Variants in METTL9 observed in about 807,000 individuals in gnomAD.
METTL9 encodes the protein protein-L-histidine N-pros-methyltransferase.
In METTL9, 10 loss-of-function variants were observed where a neutral mutation model predicts 36.0. The observed-to-expected ratio is 0.28, with a 90% CI of 0.17 to 0.47. The LOEUF (loss-of-function observed/expected upper bound fraction) is 0.47, where lower values mean the gene tolerates loss of function less well. Among genes scored for constraint, METTL9 ranks in the 20% least tolerant of loss-of-function variants. The pLI, the probability that METTL9 is intolerant of heterozygous loss-of-function variation, is 0.99. For synonymous variants in METTL9, 175 were observed against 149.7 expected, an observed-to-expected ratio of 1.17 and a Z score of -1.23; for missense variants, 246 against 383.5, an observed-to-expected ratio of 0.64 and a Z score of 3.00.
At chr16:21,632,307 C>G (rs1212770791) in intron 4 of METTL9, among the ~76,000 whole-genome samples, 1 of 152,194 alleles carries the variant, frequency 6.6e-6, no homozygotes, top group Non-Finnish European at 1.5e-5. Flanking sequence ...TTCTAAGGCT[C>G]AGGTAAGTGC....
At chr16:21,642,264 CTT>C (rs1040158292) in intron 4 of METTL9, 4 of 152,048 alleles carry the variant, frequency 2.6e-5, no homozygotes, top group Admixed American at 2.0e-4. Flanking sequence ...AGGAAAATAT[CTT>C]TACTAGTTTA....
intron 4 of METTL9, among the ~76,000 whole-genome samples, chr16:21,632,810 A>T (rs372905091): frequency 6.6e-6 from 1 of 152,064 alleles, no homozygotes; most frequent in East Asian, 1.9e-4. Context: ...TACTACATCA[A>T]TTTCCTTACT....
chr16:21,602,918 C>G (rs1965175329), intron 1 of METTL9, among the ~76,000 whole-genome samples: 1 of 152,074 alleles, frequency 6.6e-6, no homozygotes, highest in Admixed American at 6.6e-5. Context: ...CTGGGCCTCC[C>G]AAAGTGCTGG....
At chr16:21,599,097 G>A (rs1358648129), upstream of METTL9, among the ~76,000 whole-genome samples, 2 of 152,138 alleles carry the variant, frequency 1.3e-5, no homozygotes, top group African/African-American at 4.8e-5. This position sits in a 1 kb window ranked among gnomAD's most constrained non-coding sequence, Gnocchi z 4.4. Flanking sequence ...ACCTGTGTGT[G>A]TCAGGATGCA....
chr16:21,613,824 GT>G (rs1212513628), intron 2 of METTL9, among the ~76,000 whole-genome samples: 30 of 86,864 alleles, frequency 3.5e-4, no homozygotes, highest in African/African-American at 2.0e-3. Context: ...AGCTTTAGGA[GT>G]TTTTTTTGTT....
intron 4 of METTL9, among the ~76,000 whole-genome samples, chr16:21,645,533 A>G (rs559125713): frequency 6.6e-6 from 1 of 152,338 alleles, no homozygotes; most frequent in African/African-American, 2.4e-5. Flanking sequence ...TTTATTTGTG[A>G]AACTAACAAA....
chr16:21,618,574 G>C (rs1965612212), intron 3 of METTL9, among the ~76,000 whole-genome samples: 1 of 152,002 alleles, frequency 6.6e-6, no homozygotes, highest in Admixed American at 6.5e-5. Context: ...ATTCTACTTT[G>C]TCTATGAATT....
At chr16:21,621,174 GTT>G (rs1965684350) in intron 3 of METTL9, among the ~76,000 whole-genome samples, 1 of 151,608 alleles carries the variant, frequency 6.6e-6, no homozygotes, top group East Asian at 1.9e-4. Flanking sequence ...GTGTGTGTGT[GTT>G]TTTGTGTGTT....
Position 21,656,230 on chromosome 16 carries a change from T to C in METTL9, c.*798T>C, listed in dbSNP as rs1451030866. 1.6e-5 allele frequency: 2 copies of C among 127,378 alleles called. No individual in the cohort carries two copies. Among genetic ancestry groups the C allele is most frequent in the East Asian group, 4.7e-4 (2 of 4,242 alleles). 7.9% of individuals were successfully genotyped at this position (127,378 alleles called of 1,614,324 possible). ...TGTGAAAAATGCAAAATAACCTGGT[T>C]CTGACTTTGTGATCACTCATGTCCC... On this transcript the variant is annotated 3_prime_UTR_variant, in exon 5 of 5. Coordinates refer to ENST00000358154, the MANE Select transcript of METTL9 (RefSeq NM_016025.5).
rs1966717503 is a variant in METTL9, at chr16:21,656,635, GGTT to G, written c.*1204_*1206del. The stretch of plus-strand genomic sequence containing the variant: ...AACAGAAATGTCAATATGAGATTGT[GGTT>G]ATTAACAATATGTTATCCTCACTAC... On this transcript the variant is annotated 3_prime_UTR_variant, in exon 5 of 5. Transcript: ENST00000358154. The G allele has an allele frequency of 1.3e-5, 2 of 152,074 alleles. No individual in the cohort carries two copies. The highest frequency in any genetic ancestry group is 6.6e-5 in the Admixed American group (1 of 15,262). 9.4% of individuals were successfully genotyped at this position (152,074 alleles called of 1,614,324 possible). A position where few individuals can be genotyped will look rare whatever the true frequency, so the allele number is the denominator to read the frequency against.
intron 2 of METTL9, 106 bp downstream of exon 2, chr16:21,612,941 C>T (rs1043555301): frequency 1.0e-6 from 1 of 986,140 alleles, no homozygotes; most frequent in Admixed American, 3.2e-5. Flanking sequence ...ACCTGAGCTA[C>T]AATACTTCTA....
At chr16:21,613,140 T>C (rs990922747) in intron 2 of METTL9, among the ~76,000 whole-genome samples, 1 of 145,482 alleles carries the variant, frequency 6.9e-6, no homozygotes, top group African/African-American at 2.5e-5. Flanking sequence ...TATGAGTTAG[T>C]ACATCAGGGG....
At chr16:21,619,799 G>A (rs973533646) in intron 3 of METTL9, among the ~76,000 whole-genome samples, 3 of 152,074 alleles carry the variant, frequency 2.0e-5, no homozygotes, top group African/African-American at 7.2e-5. Flanking sequence ...TATTGGCTCA[G>A]TGCAGAATCA....
rs1310226952 is a variant in METTL9, at chr16:21,599,644, GGGCGGTGGC to G, written c.-80_-72del. 3.7e-6 allele frequency: 5 copies of G among 1,344,046 alleles called. No individual in the cohort carries two copies. The highest frequency in any genetic ancestry group is 1.5e-5 in the African/African-American group (1 of 64,522). 83.3% of individuals were successfully genotyped at this position (1,344,046 alleles called of 1,614,324 possible). On this transcript the variant is annotated 5_prime_UTR_variant, in exon 1 of 5. Coordinates refer to ENST00000358154, the MANE Select transcript of METTL9 (RefSeq NM_016025.5). This position sits in a 1 kb window ranked among gnomAD's most constrained non-coding sequence, Gnocchi z 4.4. Reference sequence around the variant, plus strand: ...AAGGCGGCCGCGATGGCTCGAGCTCGGGCGGTGGCGGCGGTGGCCGGAGGCGGCGGTGCC... The same window carrying G: ...AAGGCGGCCGCGATGGCTCGAGCTCGGGCGGTGGCCGGAGGCGGCGGTGCC...
chr16:21,629,341 T>C (rs1005234642), intron 4 of METTL9, among the ~76,000 whole-genome samples: 11 of 152,144 alleles, frequency 7.2e-5, no homozygotes, highest in Non-Finnish European at 1.5e-4. Flanking sequence ...GAATGCCCTT[T>C]TAAGAGTTCC....
chr16:21,597,366 T>C, upstream of METTL9: 2 of 1,054,494 alleles, frequency 1.9e-6, no homozygotes, highest in Non-Finnish European at 1.3e-6. Context: ...CTCTGGTTTC[T>C]TCCTGTGCCT....
At chr16:21,638,266 C>A (rs546081210) in intron 4 of METTL9, among the ~76,000 whole-genome samples, 360 of 152,182 alleles carry the variant, frequency 2.4e-3, no homozygotes, top group Non-Finnish European at 4.2e-3. Context: ...TGCAGTGAGC[C>A]GAGATCACGC....
At chr16:21,647,017 G>T in intron 4 of METTL9, 1 of 1,330,330 alleles carries the variant, frequency 7.5e-7, no homozygotes, top group Non-Finnish European at 1.1e-6. Context: ...CCCATCACTG[G>T]CTAGGGTATT....
intron 4 of METTL9, chr16:21,627,367 G>A: frequency 1.0e-6 from 1 of 985,024 alleles, no homozygotes; most frequent in African/African-American, 1.7e-5. Flanking sequence ...ATGGCTTGAA[G>A]TTGAACCACA....
Sources: allele counts gnomAD v4.1 joint callset (sites outside exome capture counted in the v4.1 genomes callset), GRCh38; gene constraint gnomAD v4.1.1; non-coding constraint Gnocchi (gnomAD v3.1); transcripts MANE v1.5; gene names NCBI Gene and HGNC (gene_info 2026-07-23, HGNC 2026-07-21).